The following TRIM5 variants were observed in gnomAD, a reference collection of about 807,000 sequenced individuals.
The protein encoded by TRIM5 is tripartite motif-containing protein 5.
TRIM5 carries 31 observed loss-of-function variants against 35.6 expected under a neutral mutation model. The ratio of observed to expected loss-of-function variants is 0.87; its 90% CI spans 0.65 to 1.18. The LOEUF (loss-of-function observed/expected upper bound fraction) is 1.18, where lower values mean the gene tolerates loss of function less well. Among genes scored for constraint, TRIM5 ranks in the 50% most tolerant of loss-of-function variants. TRIM5 has a pLI of 0.00. For missense variants in TRIM5, 609 were observed against 591.6 expected (o/e 1.03, Z -0.31); for synonymous variants, 243 against 215.6 (o/e 1.13, Z -1.11).
the TRIM5 span, among the ~76,000 whole-genome samples, chr11:5,657,419 C>G: frequency 6.7e-6 from 1 of 148,420 alleles, no homozygotes; most frequent in African/African-American, 2.5e-5. Flanking sequence ...TGTAACAAAC[C>G]TGCACGTTCT....
At chr11:5,600,760 T>G in the TRIM5 span, among the ~76,000 whole-genome samples, 1 of 152,154 alleles carries the variant, frequency 6.6e-6, no homozygotes, top group Non-Finnish European at 1.5e-5. Flanking sequence ...TAGAGAATTC[T>G]GCCTGCTCCC....
chr11:5,669,719 T>C (rs1851432341), intron 4 of TRIM5, among the ~76,000 whole-genome samples: 1 of 152,212 alleles, frequency 6.6e-6, no homozygotes, highest in Admixed American at 6.5e-5. Context: ...GTCTATGGGC[T>C]GGGCGCAGTG....
the TRIM5 span, among the ~76,000 whole-genome samples, chr11:5,623,790 A>T: frequency 6.6e-6 from 1 of 152,278 alleles, no homozygotes; most frequent in South Asian, 2.1e-4. Flanking sequence ...ATGTGGATAC[A>T]TTTTTGTGGG....
downstream of TRIM5, among the ~76,000 whole-genome samples, chr11:5,662,223 G>C (rs1850853428): frequency 6.6e-6 from 1 of 152,190 alleles, no homozygotes; most frequent in South Asian, 2.1e-4. Context: ...TTTCTGTGGG[G>C]AAGCAGGGTG....
chr11:5,590,581 C>G, the TRIM5 span: 3 of 152,326 alleles, frequency 2.0e-5, no homozygotes, highest in South Asian at 6.2e-4. Flanking sequence ...AGCTTTGTAT[C>G]TAGCTCAGGG....
chr11:5,681,912 C>T (rs1424140502), intron 1 of TRIM5, among the ~76,000 whole-genome samples: 1 of 152,138 alleles, frequency 6.6e-6, no homozygotes, highest in Non-Finnish European at 1.5e-5. Flanking sequence ...GACTCCTCTG[C>T]CCCAGCCTCC....
the TRIM5 span, among the ~76,000 whole-genome samples, chr11:5,601,081 T>G: frequency 6.6e-6 from 1 of 152,186 alleles, no homozygotes; most frequent in Non-Finnish European, 1.5e-5. Context: ...CGGCCACCTC[T>G]CCTTACATAT....
At chr11:5,596,343 G>A in the TRIM5 span, among the ~76,000 whole-genome samples, 1 of 152,114 alleles carries the variant, frequency 6.6e-6, no homozygotes, top group Non-Finnish European at 1.5e-5. Flanking sequence ...AGGGAGCACA[G>A]AAGAGGCACC....
At chr11:5,621,764 G>C in the TRIM5 span, among the ~76,000 whole-genome samples, 1 of 152,152 alleles carries the variant, frequency 6.6e-6, no homozygotes, top group Non-Finnish European at 1.5e-5. Context: ...TGACTCCTTT[G>C]AAAAGGCTAA....
intron 1 of TRIM5, among the ~76,000 whole-genome samples, chr11:5,683,217 G>A (rs4579958): frequency 6.6e-6 from 1 of 152,122 alleles, no homozygotes; most frequent in East Asian, 1.9e-4. Context: ...CTGCGCGAGC[G>A]TCCCTGACGA....
chr11:5,667,291 C>G (rs934523504), intron 5 of TRIM5, among the ~76,000 whole-genome samples: 1 of 152,196 alleles, frequency 6.6e-6, no homozygotes, highest in Admixed American at 6.5e-5. Flanking sequence ...ACTGCAACCT[C>G]TGCCTCCTGG....
At chr11:5,642,264 C>G in the TRIM5 span, 2 of 628,654 alleles carry the variant, frequency 3.2e-6, no homozygotes, top group Non-Finnish European at 5.3e-6. Flanking sequence ...ATCCAGGGTC[C>G]GGCTCTCCCT....
rs1309489659 is a variant in TRIM5, at chr11:5,666,756, C to T, written c.768-675G>A. ...CCACCACGTAGGTGTGCGAGGTGTG[C>T]GATTTTAGACACAAGAATAGCACCT... is the stretch of plus-strand genomic sequence containing the variant. On this transcript the variant is annotated intron_variant, in intron 5 of 7. Transcript: ENST00000380034. Among the ~76,000 whole-genome samples the T allele has an allele frequency of 5.9e-5, 9 of 152,176 alleles. No homozygotes were observed. In the East Asian group the frequency reaches 1.5e-3, roughly 26 times the overall value.
the TRIM5 span, among the ~76,000 whole-genome samples, chr11:5,595,578 A>G: frequency 3.9e-5 from 6 of 152,308 alleles, no homozygotes; most frequent in African/African-American, 1.4e-4. Flanking sequence ...CAGTGTAATT[A>G]AACTCTGATA....
At chr11:5,657,469 A>AATATTTATATATAATGCATTTATATAT in the TRIM5 span, among the ~76,000 whole-genome samples, 1 of 139,706 alleles carries the variant, frequency 7.2e-6, no homozygotes, top group Non-Finnish European at 1.5e-5. Context: ...ATATATATAA[A>AATATTTATATATAATGCATTTATATAT]ATATTTATAT....
chr11:5,665,373 G>A lies in TRIM5; in HGVS notation c.918C>T (p.Asn306=). The A allele has an allele frequency of 6.2e-7, 1 of 1,611,032 alleles. No individual in the cohort carries two copies. Among genetic ancestry groups the A allele is most frequent in the Non-Finnish European group, 8.5e-7 (1 of 1,178,426 alleles). ...RYWVDVTVAP[N]NISCAVISED... ...CAGAAATGACAGCACATGAAATGTT[G>A]TTTGGAGCCACTGTCACATCAACTG... The change falls in exon 8 of 8, where the codon AAC becomes AAT. Residue 306 remains asparagine (N), a synonymous_variant. Coordinates refer to ENST00000380034, the MANE Select transcript of TRIM5 (RefSeq NM_033034.3).
At chr11:5,622,226 A>G in the TRIM5 span, among the ~76,000 whole-genome samples, 1 of 152,254 alleles carries the variant, frequency 6.6e-6, no homozygotes, top group Admixed American at 6.5e-5. Context: ...CAAGCAGATC[A>G]TGAGGTCAAG....
At chr11:5,670,631 A>G (rs558261441) in intron 4 of TRIM5, among the ~76,000 whole-genome samples, 1 of 152,352 alleles carries the variant, frequency 6.6e-6, no homozygotes, top group South Asian at 2.1e-4. Context: ...AAATTGTAGC[A>G]GATTTTTAAA....
At chr11:5,605,348 G>A in the TRIM5 span, 3 of 1,614,128 alleles carry the variant, frequency 1.9e-6, no homozygotes, top group Non-Finnish European at 1.7e-6. Flanking sequence ...ATCAGATGGA[G>A]CCTGAGAGAT....
Sources: gnomAD v4.1 joint callset for allele counts (sites outside exome capture counted in the v4.1 genomes callset) on GRCh38, gnomAD v4.1.1 for gene constraint, MANE v1.5 for transcripts, NCBI Gene and HGNC (gene_info 2026-07-23, HGNC 2026-07-21) for gene names.